NBPF3: variants seen among roughly 807,000 people sequenced by gnomAD.
NBPF3 encodes the protein NBPF family member NBPF3.
Under a neutral mutation model 78.1 loss-of-function variants are expected in NBPF3, and 57 were observed. The ratio of observed to expected loss-of-function variants is 0.73; its 90% CI spans 0.59 to 0.91. The LOEUF is 0.91. NBPF3 is among the 40% of genes least tolerant of loss of function. The pLI, the probability that NBPF3 is intolerant of heterozygous loss-of-function variation, is 0.00. For missense variants in NBPF3, 510 were observed against 715.3 expected, an observed-to-expected ratio of 0.71 and a Z score of 3.27; for synonymous variants, 182 against 271.7, an observed-to-expected ratio of 0.67 and a Z score of 3.25.
Position 21,471,652 on chromosome 1 carries a change from G to A in NBPF3, c.530G>A (p.Arg177His), listed in dbSNP as rs369523655. The A allele has an allele frequency of 1.5e-4, 250 of 1,612,906 alleles. No homozygotes were observed. The highest frequency in any genetic ancestry group is 3.2e-4 in the Admixed American group (19 of 60,006). ...TTACAGGAAGGGAGAGATGCCTCCC[G>A]CTCATTGAATCAGCATCTCCAGGCC... ...EKLQEGRDAS[R>H]SLNQHLQALL... The change falls in exon 5 of 15, where the codon CGC (arginine) becomes CAC (histidine). Residue 177 changes from arginine (R) to histidine (H), a missense_variant. Arg to His is a conservative substitution (Grantham distance 29). Transcript: ENST00000318249.
intron 2 of NBPF3, among the ~76,000 whole-genome samples, chr1:21,449,326 T>A (rs907366153): frequency 6.6e-6 from 1 of 152,158 alleles, no homozygotes; most frequent in Non-Finnish European, 1.5e-5. Flanking sequence ...TTGGTTCATC[T>A]GTGCTGGTGA....
At chr1:21,457,620 C>G (rs1312611537) in intron 2 of NBPF3, among the ~76,000 whole-genome samples, 1 of 152,040 alleles carries the variant, frequency 6.6e-6, no homozygotes, top group African/African-American at 2.4e-5. Context: ...ATTAAAAAGG[C>G]TGAAAATAGC....
chr1:21,479,688 C>T (rs968970796), intron 10 of NBPF3, among the ~76,000 whole-genome samples: 1 of 152,096 alleles, frequency 6.6e-6, no homozygotes, highest in African/African-American at 2.4e-5. Context: ...GTTGAGCCCA[C>T]TCTTTTCATG....
At chr1:21,444,008 TATG>T (rs1640818138) in intron 1 of NBPF3, among the ~76,000 whole-genome samples, 2 of 152,228 alleles carry the variant, frequency 1.3e-5, no homozygotes, top group Admixed American at 1.3e-4. Flanking sequence ...TTGTTGTTAT[TATG>T]ATGATTTTGT....
At chr1:21,463,831 G>A (rs1365972718) in intron 2 of NBPF3, among the ~76,000 whole-genome samples, 1 of 152,122 alleles carries the variant, frequency 6.6e-6, no homozygotes, top group Non-Finnish European at 1.5e-5. Flanking sequence ...ACACTCAAAT[G>A]GCCAAGAAGC....
intron 2 of NBPF3, among the ~76,000 whole-genome samples, chr1:21,445,674 C>A (rs4654746): frequency 6.6e-6 from 1 of 151,880 alleles, no homozygotes; most frequent in Non-Finnish European, 1.5e-5. Context: ...AGATGTGTCT[C>A]GTTTTAGGCA....
intron 2 of NBPF3, among the ~76,000 whole-genome samples, chr1:21,445,432 A>AT (rs1268874293): frequency 6.6e-6 from 1 of 152,066 alleles, no homozygotes; most frequent in African/African-American, 2.4e-5. Flanking sequence ...GGTGGAAGTG[A>AT]TTTTACTTCA....
intron 2 of NBPF3, chr1:21,453,459 G>A (rs1436179377): frequency 1.3e-5 from 2 of 152,250 alleles, no homozygotes; most frequent in East Asian, 1.9e-4. Flanking sequence ...TGCGTGTAAA[G>A]GTCCTGTGGC....
chr1:21,456,078 T>C (rs1010539774), intron 2 of NBPF3, among the ~76,000 whole-genome samples: 6 of 152,154 alleles, frequency 3.9e-5, no homozygotes, highest in Non-Finnish European at 7.4e-5. Flanking sequence ...AAGGGGTGGA[T>C]TGGTGATTGA....
intron 6 of NBPF3, among the ~76,000 whole-genome samples, 156 bp from the exon 7 acceptor site, chr1:21,473,224 G>A (rs930202781): frequency 6.6e-6 from 1 of 152,344 alleles, no homozygotes; most frequent in Non-Finnish European, 1.5e-5. Context: ...CTGTTGCAGA[G>A]AGAAGAGGAT....
intron 2 of NBPF3, among the ~76,000 whole-genome samples, chr1:21,455,799 A>G (rs1641568646): frequency 6.6e-6 from 1 of 152,222 alleles, no homozygotes; most frequent in South Asian, 2.1e-4. Context: ...TACCTGCACA[A>G]GGAAAAGACT....
intron 1 of NBPF3, among the ~76,000 whole-genome samples, chr1:21,441,708 A>G (rs1415472582): frequency 6.9e-6 from 1 of 145,094 alleles, no homozygotes; most frequent in African/African-American, 2.5e-5. Flanking sequence ...GCCTATCTCA[A>G]AAAAAAAAAA....
chr1:21,437,506 GC>G, upstream of NBPF3: 1 of 1,451,552 alleles, frequency 6.9e-7, no homozygotes. Flanking sequence ...TGCAGCGGCT[GC>G]GGAGAGCCAA....
chr1:21,480,031 T>C lies in NBPF3; in HGVS notation c.1209-20T>C, dbSNP rs781557088. The C allele has an allele frequency of 2.8e-6, 3 of 1,089,398 alleles. No individual in the cohort carries two copies. In the Admixed American group the frequency reaches 5.1e-5, roughly 18 times the overall value. 67.5% of individuals were successfully genotyped at this position (1,089,398 alleles called of 1,614,324 possible). ...TTCTGATTCCCCCTGGCTTATTCTT[T>C]ACTTTTCCTACTTTTCCAGGCTCAG... On this transcript the variant is annotated intron_variant, in intron 10 of 14. Transcript: ENST00000318249.
At chr1:21,443,796 A>T (rs901399479) in intron 1 of NBPF3, among the ~76,000 whole-genome samples, 7 of 152,038 alleles carry the variant, frequency 4.6e-5, no homozygotes, top group Admixed American at 2.0e-4. Flanking sequence ...TCCTTTTTGT[A>T]GACAGGGTTT....
chr1:21,478,368 T>A, intron 9 of NBPF3, 61 bp downstream of exon 9: 1 of 1,569,344 alleles, frequency 6.4e-7, no homozygotes, highest in Non-Finnish European at 8.8e-7. Flanking sequence ...GACCCCATAA[T>A]CTTTGGGCCT....
At chr1:21,480,276 G>A in intron 11 of NBPF3, 53 bp downstream of exon 11, 1 of 881,174 alleles carries the variant, frequency 1.1e-6, no homozygotes. Flanking sequence ...TCCAGATATG[G>A]GTGATATTCC....
At chr1:21,437,489 C>T (rs1640447394), upstream of NBPF3, 2 of 1,461,922 alleles carry the variant, frequency 1.4e-6, no homozygotes, top group South Asian at 1.2e-5. Flanking sequence ...GGACGCCCAG[C>T]GCGAGGTGCA....
chr1:21,444,469 C>A (rs540912929), intron 1 of NBPF3, among the ~76,000 whole-genome samples: 1 of 152,282 alleles, frequency 6.6e-6, no homozygotes, highest in South Asian at 2.1e-4. Flanking sequence ...CTCTTAATTC[C>A]CTAACAAAAA....
Sources: allele counts gnomAD v4.1 joint callset (sites outside exome capture counted in the v4.1 genomes callset), GRCh38; gene constraint gnomAD v4.1.1; transcripts MANE v1.5; gene names NCBI Gene and HGNC (gene_info 2026-07-23, HGNC 2026-07-21).